HTR1F: variants seen among roughly 807,000 people sequenced by gnomAD.
HTR1F encodes the protein 5-hydroxytryptamine receptor 1F.
In HTR1F, 17 loss-of-function variants were observed where a neutral mutation model predicts 24.0. That is an observed-to-expected ratio of 0.71 (90% CI 0.48 to 1.06). The LOEUF (loss-of-function observed/expected upper bound fraction) is 1.06. Ranked by LOEUF, HTR1F falls within the 50% of genes least tolerant of loss-of-function variation. The pLI, the probability that HTR1F is intolerant of heterozygous loss-of-function variation, is 0.00. For missense variants in HTR1F, 391 were observed against 427.8 expected, an observed-to-expected ratio of 0.91 and a Z score of 0.76; for synonymous variants, 186 against 156.8, an observed-to-expected ratio of 1.19 and a Z score of -1.39.
intron 2 of HTR1F, among the ~76,000 whole-genome samples, chr3:87,986,552 T>C (rs1003679777): frequency 3.9e-5 from 6 of 152,340 alleles, no homozygotes; most frequent in Non-Finnish European, 7.3e-5. Flanking sequence ...GGGAAATCCA[T>C]TGAATTATCA....
chr3:87,885,056 T>C (rs923057988), intron 2 of HTR1F, among the ~76,000 whole-genome samples: 9 of 152,196 alleles, frequency 5.9e-5, no homozygotes, highest in African/African-American at 2.2e-4. Flanking sequence ...CAGCACCACA[T>C]CACACTTATT....
intron 2 of HTR1F, among the ~76,000 whole-genome samples, chr3:87,985,742 A>G (rs928216332): frequency 6.6e-6 from 1 of 152,250 alleles, no homozygotes; most frequent in African/African-American, 2.4e-5. Context: ...CTATTTGTGT[A>G]TGACAACCAT....
chr3:87,822,175 G>GA (rs566682404), intron 2 of HTR1F, among the ~76,000 whole-genome samples, 51 bp downstream of exon 2: 106 of 148,608 alleles, frequency 7.1e-4, no homozygotes, highest in East Asian at 5.1e-3. Flanking sequence ...GACAATTAGT[G>GA]AAAAAAAAAA....
At chr3:87,875,814 C>T (rs1239523057) in intron 2 of HTR1F, among the ~76,000 whole-genome samples, 1 of 151,242 alleles carries the variant, frequency 6.6e-6, no homozygotes, top group Non-Finnish European at 1.5e-5. Context: ...GTCCCAGCTA[C>T]TCGGGAGGCT....
chr3:87,888,973 G>A (rs1331879523), intron 2 of HTR1F, among the ~76,000 whole-genome samples: 2 of 152,152 alleles, frequency 1.3e-5, no homozygotes, highest in African/African-American at 2.4e-5. Flanking sequence ...CCTAATGGGA[G>A]GTGTTTGGGT....
At chr3:87,886,798 G>A (rs564211790) in intron 2 of HTR1F, among the ~76,000 whole-genome samples, 1 of 152,242 alleles carries the variant, frequency 6.6e-6, no homozygotes, top group East Asian at 1.9e-4. Flanking sequence ...TCTTCAAGGA[G>A]AACTACAAAC....
intron 2 of HTR1F, among the ~76,000 whole-genome samples, chr3:87,893,383 A>C (rs1706125733): frequency 1.3e-5 from 2 of 152,216 alleles, no homozygotes; most frequent in Admixed American, 1.3e-4. Context: ...TTAATTTACA[A>C]TGCTAAATTG....
intron 2 of HTR1F, among the ~76,000 whole-genome samples, chr3:87,888,154 T>G (rs1705999116): frequency 6.6e-6 from 1 of 151,926 alleles, no homozygotes; most frequent in Admixed American, 6.6e-5. Flanking sequence ...AAAAGATGAG[T>G]TCATGTCCTT....
chr3:87,935,458 C>A (rs1704389723), intron 2 of HTR1F, among the ~76,000 whole-genome samples: 1 of 151,344 alleles, frequency 6.6e-6, no homozygotes. Context: ...GAGGCTTCTG[C>A]AAGTGTCTTA....
chr3:87,962,960 A>T (rs2915280), intron 2 of HTR1F, among the ~76,000 whole-genome samples: 58,461 of 151,594 alleles, frequency 0.39, 12,730 homozygotes, highest in African/African-American at 0.61. Flanking sequence ...AAAATTATGT[A>T]TTTTTTTTAC....
chr3:87,894,043 G>A (rs1706145151), intron 2 of HTR1F, among the ~76,000 whole-genome samples: 1 of 151,380 alleles, frequency 6.6e-6, no homozygotes, highest in Non-Finnish European at 1.5e-5. Context: ...GTTTTGGGGG[G>A]AACAGGTGGT....
intron 2 of HTR1F, among the ~76,000 whole-genome samples, chr3:87,926,694 A>G (rs1704134199): frequency 6.6e-6 from 1 of 152,098 alleles, no homozygotes; most frequent in Non-Finnish European, 1.5e-5. Context: ...TCTTCAAGCT[A>G]GAAAAAAATC....
intron 2 of HTR1F, among the ~76,000 whole-genome samples, chr3:87,843,581 A>T (rs927947715): frequency 6.7e-6 from 1 of 149,786 alleles, no homozygotes; most frequent in African/African-American, 2.5e-5. Context: ...CACATTGTGC[A>T]GGTTAGTTAC....
At chr3:87,985,432 T>C (rs1705642286) in intron 2 of HTR1F, among the ~76,000 whole-genome samples, 1 of 152,076 alleles carries the variant, frequency 6.6e-6, no homozygotes, top group Non-Finnish European at 1.5e-5. Flanking sequence ...AGAAAAATGG[T>C]GGTTAAAAGA....
Position 87,889,484 on chromosome 3 carries a change from A to G in HTR1F, c.-43+67360A>G, listed in dbSNP as rs543944477. On this transcript the variant is annotated intron_variant, in intron 2 of 2. Coordinates refer to ENST00000319595, the MANE Select transcript of HTR1F (RefSeq NM_001322209.2). ...TCTAAAACACAAAAGATCTAATTTT[A>G]TCAATTTAAGCATAGAAAACATCTC... is the stretch of plus-strand genomic sequence containing the variant. Among the ~76,000 whole-genome samples, 61 of 152,298 alleles carry G rather than the reference A, an allele frequency of 4.0e-4. 1 individual carries two copies. The South Asian group carries it at 0.012, about 30-fold the overall frequency.
intron 2 of HTR1F, among the ~76,000 whole-genome samples, chr3:87,897,625 C>A (rs1164696767): frequency 6.6e-6 from 1 of 152,098 alleles, no homozygotes; most frequent in African/African-American, 2.4e-5. Flanking sequence ...ATATAAAACC[C>A]TTCATGATCT....
chr3:87,898,599 T>A (rs1403007045), intron 2 of HTR1F, among the ~76,000 whole-genome samples: 2 of 152,166 alleles, frequency 1.3e-5, no homozygotes, highest in Admixed American at 6.5e-5. Context: ...ATATGAAAGA[T>A]GAATTTATTT....
rs530216345 is a variant in HTR1F at position 87,991,137 on chromosome 3, G to A, written c.388G>A (p.Glu130Lys). 6.2e-7 allele frequency: 1 copy of A among 1,614,048 alleles called. No homozygotes were observed. ...GTATCGAGCAATCACAGATGCTGTT[G>A]AGTATGCCAGGAAAAGGACTCCAAA... ...DRYRAITDAV[E>K]YARKRTPKHA... Residue 130 changes from glutamate (E) to lysine (K), a missense_variant, in exon 3 of 3, where the codon GAG becomes AAG. Glu to Lys is a moderately conservative substitution (Grantham distance 56). Transcript: ENST00000319595.
At chr3:87,838,484 T>A (rs1704728626) in intron 2 of HTR1F, among the ~76,000 whole-genome samples, 1 of 152,170 alleles carries the variant, frequency 6.6e-6, no homozygotes. Flanking sequence ...ATGAATCGAA[T>A]AATATAGTAT....
Sources: gnomAD v4.1 joint callset for allele counts (sites outside exome capture counted in the v4.1 genomes callset) on GRCh38, gnomAD v4.1.1 for gene constraint, MANE v1.5 for transcripts, NCBI Gene and HGNC (gene_info 2026-07-23, HGNC 2026-07-21) for gene names.